The following NOS1AP variants were observed in gnomAD, a reference collection of about 807,000 sequenced individuals.
NOS1AP encodes the protein carboxyl-terminal PDZ ligand of neuronal nitric oxide synthase protein.
In NOS1AP, 21 loss-of-function variants were observed where a neutral mutation model predicts 56.2. The observed-to-expected ratio is 0.37, with a 90% CI of 0.26 to 0.54. The LOEUF (loss-of-function observed/expected upper bound fraction) is 0.54. NOS1AP is among the 20% of genes least tolerant of loss of function. The pLI is 0.84. For synonymous variants in NOS1AP, 270 were observed against 274.6 expected, an observed-to-expected ratio of 0.98 and a Z score of 0.17; for missense variants, 522 against 657.8, an observed-to-expected ratio of 0.79 and a Z score of 2.26.
Position 162,208,536 on chromosome 1 carries a change from T to A in NOS1AP, c.177+54060T>A, listed in dbSNP as rs1367596807. Among the ~76,000 whole-genome samples, 8 of 152,324 alleles carry A rather than the reference T, an allele frequency of 5.3e-5. No individual in the cohort carries two copies. In the East Asian group the frequency reaches 1.2e-3, roughly 22 times the overall value. On this transcript the variant is annotated intron_variant, in intron 2 of 9. Transcript: ENST00000361897. Reference sequence around the variant, plus strand: ...ATTACCACCACCATTTTGGACCAGATAATTGTTTGTTGTAAGGGGCTGTCC... The same window carrying A: ...ATTACCACCACCATTTTGGACCAGAAAATTGTTTGTTGTAAGGGGCTGTCC...
chr1:162,183,111 G>A (rs1271993691), intron 2 of NOS1AP, among the ~76,000 whole-genome samples: 2 of 152,216 alleles, frequency 1.3e-5, no homozygotes, highest in Non-Finnish European at 1.5e-5. Flanking sequence ...AATGACTGCT[G>A]ATCCATGGGC....
At chr1:162,204,722 T>C (rs1303572672) in intron 2 of NOS1AP, among the ~76,000 whole-genome samples, 1 of 152,232 alleles carries the variant, frequency 6.6e-6, no homozygotes, top group Non-Finnish European at 1.5e-5. Context: ...GTTTTCAAAA[T>C]GGAACGGAAC....
intron 4 of NOS1AP, among the ~76,000 whole-genome samples, 164 bp from the exon 5 acceptor site, chr1:162,332,853 G>A (rs1339563027): frequency 6.6e-6 from 1 of 152,184 alleles, no homozygotes; most frequent in African/African-American, 2.4e-5. Context: ...TCTGTTGAAA[G>A]TGCCTCCTGC....
At chr1:162,082,282 C>G (rs1307510109) in intron 1 of NOS1AP, among the ~76,000 whole-genome samples, 1 of 152,110 alleles carries the variant, frequency 6.6e-6, no homozygotes, top group East Asian at 1.9e-4. Flanking sequence ...CGTACTTTTT[C>G]ATGGCTGCAT....
chr1:162,081,774 A>T (rs58971862), intron 1 of NOS1AP, among the ~76,000 whole-genome samples: 8,146 of 44,260 alleles, frequency 0.18, 1,007 homozygotes, highest in African/African-American at 0.29. Context: ...ATATATATAT[A>T]TTTTTTTTTT....
intron 8 of NOS1AP, chr1:162,363,876 A>G: frequency 1.0e-6 from 1 of 985,374 alleles, no homozygotes; most frequent in Non-Finnish European, 1.2e-6. Context: ...AGCTTTATGG[A>G]GGACAGATTT....
At chr1:162,304,144 T>C (rs1019580646) in intron 4 of NOS1AP, among the ~76,000 whole-genome samples, 2 of 152,172 alleles carry the variant, frequency 1.3e-5, no homozygotes, top group Non-Finnish European at 2.9e-5. Flanking sequence ...TTTTATGTGG[T>C]ATGAGGAATA....
intron 2 of NOS1AP, among the ~76,000 whole-genome samples, chr1:162,189,894 AT>A (rs1248140602): frequency 1.3e-5 from 2 of 152,090 alleles, no homozygotes; most frequent in Admixed American, 1.3e-4. Flanking sequence ...ATGGCGAGGG[AT>A]CAGCAGGTAC....
chr1:162,137,325 G>C (rs916034558), intron 1 of NOS1AP, among the ~76,000 whole-genome samples: 1 of 152,178 alleles, frequency 6.6e-6, no homozygotes, highest in Non-Finnish European at 1.5e-5. Flanking sequence ...CCGTTTGTCT[G>C]TCCCTCTGCA....
At chr1:162,255,147 ATC>A (rs142151310) in intron 2 of NOS1AP, among the ~76,000 whole-genome samples, 3,888 of 152,306 alleles carry the variant, frequency 0.026, 71 homozygotes, top group Non-Finnish European at 0.037. Context: ...GTTAATTAGC[ATC>A]TGTCAGGCAG....
chr1:162,324,474 A>G (rs1656521500), intron 4 of NOS1AP, among the ~76,000 whole-genome samples: 1 of 141,996 alleles, frequency 7.0e-6, no homozygotes, highest in Admixed American at 7.3e-5. Flanking sequence ...AACAAGAAGA[A>G]ATTAATTTAT....
intron 4 of NOS1AP, among the ~76,000 whole-genome samples, chr1:162,329,887 C>T (rs764017012): frequency 1.9e-4 from 29 of 152,318 alleles, no homozygotes; most frequent in Non-Finnish European, 4.1e-4. Flanking sequence ...AATAACAACA[C>T]GCTAAGTTTC....
At chr1:162,366,571 G>A (rs1658093310) in intron 9 of NOS1AP, among the ~76,000 whole-genome samples, 1 of 152,270 alleles carries the variant, frequency 6.6e-6, no homozygotes, top group South Asian at 2.1e-4. Context: ...GGGCTGGTCT[G>A]GGAGCCTGTA....
At chr1:162,236,293 C>A (rs569542063) in intron 2 of NOS1AP, among the ~76,000 whole-genome samples, 2 of 152,188 alleles carry the variant, frequency 1.3e-5, no homozygotes, top group Non-Finnish European at 1.5e-5. Flanking sequence ...CTACCATTTT[C>A]CTTGGTCACT....
intron 6 of NOS1AP, among the ~76,000 whole-genome samples, chr1:162,349,991 T>TA (rs1657438353): frequency 6.6e-6 from 1 of 152,266 alleles, no homozygotes; most frequent in African/African-American, 2.4e-5. Context: ...TCACTGTCTA[T>TA]AAACTGCTAG....
At chr1:162,116,661 A>G (rs1433285986) in intron 1 of NOS1AP, among the ~76,000 whole-genome samples, 1 of 152,204 alleles carries the variant, frequency 6.6e-6, no homozygotes, top group African/African-American at 2.4e-5. Flanking sequence ...TTGGTGTTTC[A>G]GAGATGACAC....
rs997333695 is a variant in NOS1AP, at chr1:162,070,065, C to T, written c.-113C>T. On this transcript the variant is annotated 5_prime_UTR_variant, in exon 1 of 10. Transcript: ENST00000361897. Reference sequence around the variant, plus strand: ...GCCAGGGCTCCCCCTGCCCAGCGCTCCCAGGCCCCGCCACGCGTCGCCGCG... The same window carrying T: ...GCCAGGGCTCCCCCTGCCCAGCGCTTCCAGGCCCCGCCACGCGTCGCCGCG... The T allele has an allele frequency of 2.4e-6, 2 of 828,452 alleles. No homozygotes were observed. The highest frequency in any genetic ancestry group is 1.8e-5 in the African/African-American group (1 of 56,788). The allele number at this position is 828,452 out of a possible 1,614,324, so 51.3% of individuals were successfully genotyped here.
At chr1:162,226,190 G>A (rs955149341) in intron 2 of NOS1AP, among the ~76,000 whole-genome samples, 24 of 152,172 alleles carry the variant, frequency 1.6e-4, no homozygotes, top group Non-Finnish European at 3.2e-4. Context: ...CTACTTGGGA[G>A]GCTGAGGCAG....
chr1:162,147,159 C>G (rs1649497644), intron 1 of NOS1AP, among the ~76,000 whole-genome samples: 1 of 151,838 alleles, frequency 6.6e-6, no homozygotes, highest in Admixed American at 6.6e-5. Flanking sequence ...GAAACCCTGT[C>G]TCTATGAAAA....
Sources: allele counts gnomAD v4.1 joint callset (sites outside exome capture counted in the v4.1 genomes callset), GRCh38; gene constraint gnomAD v4.1.1; transcripts MANE v1.5; gene names NCBI Gene and HGNC (gene_info 2026-07-23, HGNC 2026-07-21).